The following SLC3A1 variants were observed in gnomAD, a reference collection of about 807,000 sequenced individuals.
SLC3A1 encodes the protein solute carrier family 3 member 1.
In SLC3A1, 78 loss-of-function variants were observed where a neutral mutation model predicts 60.3. The observed-to-expected ratio is 1.29, with a 90% CI of 1.08 to 1.56. The LOEUF (loss-of-function observed/expected upper bound fraction) is 1.56, where lower values mean the gene tolerates loss of function less well. Ranked by LOEUF, SLC3A1 falls within the 40% of genes most tolerant of loss-of-function variation. SLC3A1 has a pLI of 0.00. For synonymous variants in SLC3A1, 392 were observed against 307.9 expected, an observed-to-expected ratio of 1.27 and a Z score of -2.86; for missense variants, 1,172 against 858.9, an observed-to-expected ratio of 1.36 and a Z score of -4.56.
intron 7 of SLC3A1, among the ~76,000 whole-genome samples, chr2:44,310,368 G>GTATC (rs1354195340): frequency 5.3e-5 from 8 of 152,154 alleles, no homozygotes; most frequent in Non-Finnish European, 1.2e-4. Context: ...AAATGAAGTG[G>GTATC]TATCTCATTT....
intron 1 of SLC3A1, among the ~76,000 whole-genome samples, chr2:44,277,384 A>C (rs1671373365): frequency 6.6e-6 from 1 of 152,102 alleles, no homozygotes; most frequent in Non-Finnish European, 1.5e-5. Flanking sequence ...CTGGGATTAC[A>C]GGCATGAGCC....
At chr2:44,288,525 T>C (rs1211555896) in intron 4 of SLC3A1, among the ~76,000 whole-genome samples, 3 of 152,234 alleles carry the variant, frequency 2.0e-5, no homozygotes. Flanking sequence ...TGTATCTGTA[T>C]ATCCCTGGTA....
At chr2:44,306,858 A>G (rs182049927) in intron 7 of SLC3A1, among the ~76,000 whole-genome samples, 2 of 151,312 alleles carry the variant, frequency 1.3e-5, no homozygotes, top group Non-Finnish European at 3.0e-5. Flanking sequence ...AGCCCAGCCA[A>G]AATTTACCGT....
chr2:44,289,589 C>A (rs1404494614), intron 4 of SLC3A1, among the ~76,000 whole-genome samples: 1 of 151,776 alleles, frequency 6.6e-6, no homozygotes, highest in African/African-American at 2.4e-5. Flanking sequence ...CTTGATGGTG[C>A]CTTTTGAAGC....
intron 3 of SLC3A1, among the ~76,000 whole-genome samples, chr2:44,284,549 T>C (rs1387488160): frequency 6.6e-6 from 1 of 152,140 alleles, no homozygotes; most frequent in Admixed American, 6.5e-5. Context: ...TGCCCAACTT[T>C]GTAATTTTTA....
At position 44,321,182 on chromosome 2, in the gene SLC3A1, G is replaced by C; in HGVS notation, c.*543G>C. ...TAATGGGCATGTGCATCAATGGAGAGAATAGTATAAGCAAGTGAGATGTAG... is the reference window on the plus strand; with the variant it reads ...TAATGGGCATGTGCATCAATGGAGACAATAGTATAAGCAAGTGAGATGTAG... On this transcript the variant is annotated 3_prime_UTR_variant, in exon 10 of 10. Coordinates refer to ENST00000260649, the MANE Select transcript of SLC3A1 (RefSeq NM_000341.4). The C allele has an allele frequency of 1.6e-6, 1 of 609,624 alleles. No individual in the cohort carries two copies. The highest frequency in any genetic ancestry group is 2.1e-5 in the South Asian group (1 of 46,514). The allele number at this position is 609,624 out of a possible 1,614,324, so 37.8% of individuals were successfully genotyped here. A position where few individuals can be genotyped will look rare whatever the true frequency, so the allele number is the denominator to read the frequency against.
At chr2:44,281,789 C>G (rs1671506019) in intron 3 of SLC3A1, among the ~76,000 whole-genome samples, 1 of 152,090 alleles carries the variant, frequency 6.6e-6, no homozygotes, top group Admixed American at 6.6e-5. Context: ...TTCTCTCCTT[C>G]CACCCTTCCT....
At chr2:44,285,969 TG>T in intron 3 of SLC3A1, 62 bp from the exon 4 acceptor site, 1 of 1,594,900 alleles carries the variant, frequency 6.3e-7, no homozygotes, top group Non-Finnish European at 8.6e-7. Context: ...GGGAGGGCAA[TG>T]ATCTTTATTT....
intron 1 of SLC3A1, among the ~76,000 whole-genome samples, chr2:44,279,010 T>A (rs1293782294): frequency 6.6e-6 from 1 of 151,688 alleles, no homozygotes; most frequent in African/African-American, 2.4e-5. Flanking sequence ...ATTATTTTTT[T>A]TTTTTTGAGA....
chr2:44,307,843 A>G (rs2104376547), intron 7 of SLC3A1, among the ~76,000 whole-genome samples: 1 of 152,274 alleles, frequency 6.6e-6, no homozygotes, highest in East Asian at 1.9e-4. Flanking sequence ...TATGAAGTCC[A>G]GTTGTTTTGT....
At chr2:44,282,529 CT>C (rs1320425026) in intron 3 of SLC3A1, among the ~76,000 whole-genome samples, 1 of 152,182 alleles carries the variant, frequency 6.6e-6, no homozygotes, top group Non-Finnish European at 1.5e-5. Flanking sequence ...TCCCTCCTTT[CT>C]GGGGTGACCA....
chr2:44,298,813 C>A (rs1487434207), intron 4 of SLC3A1, among the ~76,000 whole-genome samples: 1 of 152,134 alleles, frequency 6.6e-6, no homozygotes, highest in African/African-American at 2.4e-5. Flanking sequence ...GCAATGACTA[C>A]CTTCTCTCTA....
chr2:44,278,887 T>A (rs1173887209), intron 1 of SLC3A1, among the ~76,000 whole-genome samples: 2 of 152,184 alleles, frequency 1.3e-5, no homozygotes, highest in African/African-American at 4.8e-5. Flanking sequence ...CCTCAAATAT[T>A]GGCACAAACT....
chr2:44,316,719 C>T (rs1189103147), intron 9 of SLC3A1, among the ~76,000 whole-genome samples: 1 of 152,308 alleles, frequency 6.6e-6, no homozygotes, highest in South Asian at 2.1e-4. Context: ...CATCAGACTT[C>T]TCAATTGGAT....
chr2:44,319,975 C>A (rs1039831088), intron 9 of SLC3A1: 5 of 540,832 alleles, frequency 9.2e-6, no homozygotes, highest in South Asian at 6.2e-5. Flanking sequence ...GAGCACTGTG[C>A]GTACTTATTG....
At position 44,300,732 on chromosome 2, in the gene SLC3A1, C is replaced by T. The variant is rs536567130; in HGVS notation, c.1012-271C>T. ...AGGGTCTGAAACATTTTGACAATTA[C>T]GTGTTGAGAACTTTGTAATCAGTGT... On this transcript the variant is annotated intron_variant, in intron 5 of 9. Transcript: ENST00000260649. Among the ~76,000 whole-genome samples the T allele has an allele frequency of 1.0e-3, 156 of 152,124 alleles. 1 individual carries two copies. Among genetic ancestry groups the T allele is most frequent in the African/African-American group, 3.5e-3 (146 of 41,484 alleles).
At chr2:44,308,699 C>T (rs980259106) in intron 7 of SLC3A1, among the ~76,000 whole-genome samples, 9 of 150,794 alleles carry the variant, frequency 6.0e-5, no homozygotes, top group Middle Eastern at 3.2e-3. Flanking sequence ...ACTTGTTTTT[C>T]GTTTCTAATA....
In SLC3A1 at chr2:44,312,573, ATC is replaced by A. The variant is rs1558468885; in HGVS notation, c.1333-11_1333-10del. 6.2e-7 allele frequency: 1 copy of A among 1,613,648 alleles called. No individual in the cohort carries two copies. Among genetic ancestry groups the A allele is most frequent in the Non-Finnish European group, 8.5e-7 (1 of 1,179,568 alleles). ...TGTATACAGCTGTGTTCTTAAAAAT[ATC>A]TGCCTTTCAGATTGGTGGACCAGAC... On this transcript the variant is annotated splice_polypyrimidine_tract_variant and intron_variant, in intron 7 of 9. Coordinates refer to ENST00000260649, the MANE Select transcript of SLC3A1 (RefSeq NM_000341.4).
chr2:44,321,936 G>C, downstream of SLC3A1: 1 of 1,584,042 alleles, frequency 6.3e-7, no homozygotes, highest in Non-Finnish European at 8.6e-7. Context: ...TTAGAAGATT[G>C]TATGGGATCT....
Sources: allele counts gnomAD v4.1 joint callset (sites outside exome capture counted in the v4.1 genomes callset), GRCh38; gene constraint gnomAD v4.1.1; transcripts MANE v1.5; gene names NCBI Gene and HGNC (gene_info 2026-07-23, HGNC 2026-07-21).